Variants in TACR1 observed in about 807,000 individuals in gnomAD.
The protein encoded by TACR1 is substance-P receptor.
Under a neutral mutation model 35.8 loss-of-function variants are expected in TACR1, and 25 were observed. That is an observed-to-expected ratio of 0.70 (90% CI 0.51 to 0.98). The LOEUF (loss-of-function observed/expected upper bound fraction) is 0.98, where lower values mean the gene tolerates loss of function less well. Ranked by LOEUF, TACR1 falls within the 50% of genes least tolerant of loss-of-function variation. The pLI, the probability that TACR1 is intolerant of heterozygous loss-of-function variation, is 0.00. For missense variants in TACR1, 478 were observed against 522.9 expected (o/e 0.91, Z 0.84); for synonymous variants, 195 against 206.7 (o/e 0.94, Z 0.48).
chr2:75,071,072 C>T (rs917418144), intron 2 of TACR1, among the ~76,000 whole-genome samples: 4 of 152,198 alleles, frequency 2.6e-5, no homozygotes, highest in Non-Finnish European at 5.9e-5. Flanking sequence ...TGCCCGTTCA[C>T]ACTAAGTATT....
intron 2 of TACR1, among the ~76,000 whole-genome samples, chr2:75,095,791 C>G (rs139487856): frequency 6.6e-6 from 1 of 152,110 alleles, no homozygotes; most frequent in African/African-American, 2.4e-5. Flanking sequence ...CAGTCAAGTC[C>G]CCTTAGGATG....
intron 2 of TACR1, among the ~76,000 whole-genome samples, chr2:75,120,042 A>G (rs546726571): frequency 1.3e-5 from 2 of 152,268 alleles, no homozygotes; most frequent in South Asian, 2.1e-4. Flanking sequence ...GGGTGTTCAG[A>G]TGCCAGCTCC....
At chr2:75,181,176 C>A (rs1224942699) in intron 1 of TACR1, among the ~76,000 whole-genome samples, 1 of 152,286 alleles carries the variant, frequency 6.6e-6, no homozygotes, top group East Asian at 1.9e-4. Context: ...ATAATAACTT[C>A]CTATTTGGAA....
intron 2 of TACR1, among the ~76,000 whole-genome samples, chr2:75,062,445 A>G (rs1672689166): frequency 6.6e-6 from 1 of 152,218 alleles, no homozygotes; most frequent in Non-Finnish European, 1.5e-5. Flanking sequence ...AAACAACACT[A>G]TGTCACAATC....
chr2:75,077,540 A>C (rs1299392708), intron 2 of TACR1, among the ~76,000 whole-genome samples: 1 of 152,232 alleles, frequency 6.6e-6, no homozygotes, highest in East Asian at 1.9e-4. Flanking sequence ...ACAACACAAT[A>C]CACAAACATC....
rs368399396 is a variant in TACR1 at position 75,158,123 on chromosome 2, A to G, written c.390-37355T>C. Among the ~76,000 whole-genome samples, 17 of 152,380 alleles carry G rather than the reference A, an allele frequency of 1.1e-4. No individual in the cohort carries two copies. In the South Asian group the frequency reaches 2.7e-3, roughly 24 times the overall value. ...AGGGCAAAGAGAATACAAGACTCCAACTATGACCCAACTGGGTCCTCCAAC... is the reference window on the plus strand; with the variant it reads ...AGGGCAAAGAGAATACAAGACTCCAGCTATGACCCAACTGGGTCCTCCAAC... On this transcript the variant is annotated intron_variant, in intron 1 of 4. Transcript: ENST00000305249.
At chr2:75,168,660 T>C (rs1675204432) in intron 1 of TACR1, among the ~76,000 whole-genome samples, 1 of 152,180 alleles carries the variant, frequency 6.6e-6, no homozygotes, top group Admixed American at 6.5e-5. Context: ...AGACAATACG[T>C]TTGGGTTGTT....
At chr2:75,068,011 C>T (rs933240004) in intron 2 of TACR1, among the ~76,000 whole-genome samples, 1 of 152,118 alleles carries the variant, frequency 6.6e-6, no homozygotes, top group Non-Finnish European at 1.5e-5. Context: ...TTCATCTGGG[C>T]AAGATATAAT....
intron 3 of TACR1, among the ~76,000 whole-genome samples, chr2:75,052,524 C>A (rs1268308722): frequency 6.6e-6 from 1 of 151,070 alleles, no homozygotes; most frequent in Non-Finnish European, 1.5e-5. Context: ...CAGAGAAGTA[C>A]CAACAGAGAA....
intron 1 of TACR1, among the ~76,000 whole-genome samples, chr2:75,158,733 C>G (rs182426712): frequency 6.6e-6 from 1 of 152,074 alleles, no homozygotes; most frequent in Admixed American, 6.5e-5. Context: ...ATCAATATGC[C>G]CAGCATCGCA....
chr2:75,130,210 C>T (rs1674150351), intron 1 of TACR1, among the ~76,000 whole-genome samples: 1 of 152,108 alleles, frequency 6.6e-6, no homozygotes, highest in Admixed American at 6.5e-5. Context: ...CACCCTAATC[C>T]CAGCCTTGAA....
chr2:75,124,938 C>T (rs953760900), intron 1 of TACR1, among the ~76,000 whole-genome samples: 2 of 152,140 alleles, frequency 1.3e-5, no homozygotes, highest in African/African-American at 2.4e-5. Flanking sequence ...AGGTGGTCTA[C>T]GGCCAGTCAT....
intron 1 of TACR1, among the ~76,000 whole-genome samples, chr2:75,166,660 G>A (rs1045476334): frequency 6.6e-6 from 1 of 152,226 alleles, no homozygotes; most frequent in African/African-American, 2.4e-5. Context: ...AAGAGTGAGA[G>A]AATGAGAGCA....
intron 1 of TACR1, among the ~76,000 whole-genome samples, chr2:75,123,428 T>G (rs1674010725): frequency 6.6e-6 from 1 of 152,218 alleles, no homozygotes; most frequent in African/African-American, 2.4e-5. Context: ...CTAATGTGAC[T>G]GGGCTTACGG....
intron 1 of TACR1, among the ~76,000 whole-genome samples, chr2:75,148,105 T>A (rs922461814): frequency 1.3e-5 from 2 of 152,316 alleles, no homozygotes; most frequent in Middle Eastern, 3.4e-3. Context: ...CACCGTTTTT[T>A]AATCCAGTTA....
chr2:75,154,401 A>AGCGCGCGCGCGCGCGCCCGCGCGCGCGC (rs142809732), intron 1 of TACR1: 1 of 76,444 alleles, frequency 1.3e-5, no homozygotes, highest in Non-Finnish European at 2.7e-5. Context: ...ATCAGCCAAG[A>AGCGCGCGCGCGCGCGCCCGCGCGCGCGC]GCGCGCACGC....
intron 1 of TACR1, among the ~76,000 whole-genome samples, chr2:75,176,510 A>G (rs1286089015): frequency 6.6e-6 from 1 of 152,110 alleles, no homozygotes; most frequent in Non-Finnish European, 1.5e-5. Context: ...CTCATCAAGC[A>G]ATTCCCTCAT....
chr2:75,050,671 G>A (rs1369689017), intron 4 of TACR1, among the ~76,000 whole-genome samples: 4 of 152,220 alleles, frequency 2.6e-5, no homozygotes, highest in Non-Finnish European at 5.9e-5. Flanking sequence ...GACTAAGTGA[G>A]GGCAGGAATC....
chr2:75,165,334 G>A (rs1675112304), intron 1 of TACR1, among the ~76,000 whole-genome samples: 1 of 151,986 alleles, frequency 6.6e-6, no homozygotes, highest in Non-Finnish European at 1.5e-5. Flanking sequence ...TTTTGAGACA[G>A]AGTCTCGCTC....
Sources: gnomAD v4.1 joint callset for allele counts (sites outside exome capture counted in the v4.1 genomes callset) on GRCh38, gnomAD v4.1.1 for gene constraint, MANE v1.5 for transcripts, NCBI Gene and HGNC (gene_info 2026-07-23, HGNC 2026-07-21) for gene names.